The following MICAL3 variants were observed in gnomAD, a reference collection of about 807,000 sequenced individuals.
MICAL3 encodes the protein microtubule associated monooxygenase, calponin and LIM domain containing 3, also known as [F-actin]-monooxygenase MICAL3.
In MICAL3, 62 loss-of-function variants were observed where a neutral mutation model predicts 207.4. The observed-to-expected ratio is 0.30, with a 90% confidence interval of 0.24 to 0.37. The LOEUF is 0.37. Among genes scored for constraint, MICAL3 ranks in the 10% least tolerant of loss-of-function variants. The pLI is 1.00. For missense variants in MICAL3, 2,368 were observed against 2,635.6 expected (o/e 0.90, Z 2.22); for synonymous variants, 1,077 against 1,069.3 (o/e 1.01, Z -0.14).
At chr22:17,922,399 C>T (rs1932821438) in intron 1 of MICAL3, among the ~76,000 whole-genome samples, 1 of 152,148 alleles carries the variant, frequency 6.6e-6, no homozygotes, top group Non-Finnish European at 1.5e-5. Context: ...TTGTTACTAA[C>T]TTGTTGGACA....
rs541315949 is a variant in MICAL3, at chr22:17,807,339, C to T, written c.5650+1505G>A. Among the ~76,000 whole-genome samples the T allele has an allele frequency of 1.1e-4, 16 of 152,324 alleles. No homozygotes were observed. The South Asian group carries it at 3.3e-3, about 32-fold the overall frequency. On this transcript the variant is annotated intron_variant, in intron 29 of 31. Transcript: ENST00000441493. ...CCAAATCAGAGTGCGCAGAGCAGGG[C>T]AGGGGGGCAGGGGCACCGCAGGTTC...
intron 1 of MICAL3, among the ~76,000 whole-genome samples, chr22:17,918,441 C>T (rs915983729): frequency 6.6e-6 from 1 of 152,134 alleles, no homozygotes; most frequent in Non-Finnish European, 1.5e-5. Context: ...AGAAGAGTGA[C>T]AGTTTTCCAC....
rs929937173 is a variant in MICAL3 at position 17,789,752 on chromosome 22, G to A, written c.*980C>T. On this transcript the variant is annotated 3_prime_UTR_variant, in exon 32 of 32. Coordinates refer to ENST00000441493, the MANE Select transcript of MICAL3 (RefSeq NM_015241.3). ...AGATGCCGCTGTGGCTCCCGCACCC[G>A]GGCGCAGGTGATCAGTTCCTCTAGT... 3 of 152,270 alleles carry A rather than the reference G, an allele frequency of 2.0e-5. No individual in the cohort carries two copies. The highest frequency in any genetic ancestry group is 2.9e-5 in the Non-Finnish European group (2 of 68,050). 9.4% of individuals were successfully genotyped at this position (152,270 alleles called of 1,614,324 possible).
rs373482714 is a variant in MICAL3 at position 17,885,908 on chromosome 22, C to T, written c.2211G>A (p.Ala737=). The stretch of plus-strand genomic sequence containing the variant: ...TCCGTATGCCGATGGACTGTGCGGG[C>T]GCATTCTCTTCAAATTTGGCCAGCA... The part of the protein sequence containing the change: ...TQLLAKFEEN[A]PAQSIGIRRQ... Residue 737 remains alanine, a synonymous_variant, in exon 16 of 32, where the codon GCG becomes GCA. Coordinates refer to ENST00000441493, the MANE Select transcript of MICAL3 (RefSeq NM_015241.3). 2.9e-5 allele frequency: 47 copies of T among 1,613,824 alleles called. No homozygotes were observed. The highest frequency in any genetic ancestry group is 2.1e-4 in the African/African-American group (16 of 74,912).
intron 16 of MICAL3, among the ~76,000 whole-genome samples, chr22:17,881,477 G>A (rs537831720): frequency 1.1e-4 from 16 of 152,294 alleles, no homozygotes; most frequent in African/African-American, 3.4e-4. Context: ...CAGGTGGGAC[G>A]TGCACCTTCT....
intron 16 of MICAL3, among the ~76,000 whole-genome samples, chr22:17,879,595 C>A (rs1289574073): frequency 6.6e-6 from 1 of 152,176 alleles, no homozygotes; most frequent in Non-Finnish European, 1.5e-5. Flanking sequence ...TTCTGCACAG[C>A]CATTCCACCC....
intron 1 of MICAL3, among the ~76,000 whole-genome samples, chr22:17,933,405 G>C (rs1933364421): frequency 6.6e-6 from 1 of 152,134 alleles, no homozygotes. Flanking sequence ...CAGAAATAAA[G>C]ATGTTCTTTG....
chr22:17,932,796 A>C (rs1482403552), intron 1 of MICAL3, among the ~76,000 whole-genome samples: 1 of 152,192 alleles, frequency 6.6e-6, no homozygotes, highest in African/African-American at 2.4e-5. Context: ...CAAATGGAAA[A>C]CAAAAAAAAG....
intron 1 of MICAL3, among the ~76,000 whole-genome samples, chr22:17,977,922 T>C (rs1195035006): frequency 1.3e-5 from 2 of 151,984 alleles, no homozygotes; most frequent in African/African-American, 4.8e-5. Flanking sequence ...CTCGGGAGGC[T>C]GAGGCAGGAG....
At chr22:17,899,417 G>GA (rs960019813) in intron 7 of MICAL3, 31 bp downstream of exon 7, 14 of 1,391,330 alleles carry the variant, frequency 1.0e-5, no homozygotes, top group Non-Finnish European at 1.4e-5. Flanking sequence ...ACTTCAATAA[G>GA]AAAGAGTTTT....
In MICAL3 at chr22:17,809,018, G is replaced by T. The variant is rs896454431; in HGVS notation, c.5557-81C>A. 3.4e-5 allele frequency: 42 copies of T among 1,248,838 alleles called. No individual in the cohort carries two copies. In the African/African-American group the frequency reaches 5.8e-4, roughly 17 times the overall value. The allele number at this position is 1,248,838 out of a possible 1,614,324, so 77.4% of individuals were successfully genotyped here. A position where few individuals can be genotyped will look rare whatever the true frequency, so the allele number is the denominator to read the frequency against. On this transcript the variant is annotated intron_variant, in intron 28 of 31. Transcript: ENST00000441493. ...CACACAACTCCACACCCACACGAGG[G>T]GAAACACAGGAGTTGCCGCTCTGGA... is the stretch of plus-strand genomic sequence containing the variant.
At chr22:17,792,779 AC>A (rs906589457) in intron 29 of MICAL3, among the ~76,000 whole-genome samples, 21 of 152,020 alleles carry the variant, frequency 1.4e-4, no homozygotes, top group African/African-American at 4.8e-4. Context: ...AAGGACGGAA[AC>A]CCCCCAGCCT....
Position 17,902,039 on chromosome 22 carries a change from C to A in MICAL3, c.590-60G>T. The stretch of plus-strand genomic sequence containing the variant: ...CCCAGACCACATTCACAGCCAGGAC[C>A]ATCTCTAGATACCCAGTCATGTGAA... On this transcript the variant is annotated intron_variant, in intron 4 of 31. Transcript: ENST00000441493. The surrounding 1 kb of genome is among the most constrained non-coding windows in gnomAD (Gnocchi z 4.5). 8.2e-7 allele frequency: 1 copy of A among 1,226,448 alleles called. No individual in the cohort carries two copies. The allele number at this position is 1,226,448 out of a possible 1,614,324, so 76.0% of individuals were successfully genotyped here.
At chr22:17,878,846 T>C (rs1013720816) in intron 16 of MICAL3, among the ~76,000 whole-genome samples, 1 of 152,152 alleles carries the variant, frequency 6.6e-6, no homozygotes, top group African/African-American at 2.4e-5. Context: ...ATCACCTACC[T>C]TTCTCCCCCT....
chr22:17,884,381 G>T, intron 16 of MICAL3: 1 of 1,565,118 alleles, frequency 6.4e-7, no homozygotes, highest in Non-Finnish European at 8.7e-7. Context: ...GGCCAAGTGT[G>T]GGTGGGGACA....
At chr22:17,792,368 C>T (rs1417055734) in intron 29 of MICAL3, among the ~76,000 whole-genome samples, 1 of 152,198 alleles carries the variant, frequency 6.6e-6, no homozygotes, top group Non-Finnish European at 1.5e-5. Flanking sequence ...CAAGCTGCTC[C>T]TGGGCTTCCT....
chr22:17,836,198 A>G (rs1033061914), intron 20 of MICAL3, among the ~76,000 whole-genome samples: 3 of 152,158 alleles, frequency 2.0e-5, no homozygotes, highest in African/African-American at 4.8e-5. Flanking sequence ...GCTCCACTTC[A>G]CGTGCTCTGC....
intron 19 of MICAL3, chr22:17,862,124 CAA>C: frequency 1.0e-6 from 1 of 985,396 alleles, no homozygotes; most frequent in Non-Finnish European, 1.2e-6. Context: ...GAGTTACACA[CAA>C]GAGAATCAAG....
intron 3 of MICAL3, 142 bp downstream of exon 3, chr22:17,904,490 C>T (rs1198701274): frequency 2.9e-6 from 2 of 696,880 alleles, no homozygotes; most frequent in Non-Finnish European, 2.6e-6. Flanking sequence ...AAGATGAGTG[C>T]ACTTACTATA....
Sources: allele counts gnomAD v4.1 joint callset (sites outside exome capture counted in the v4.1 genomes callset), GRCh38; gene constraint gnomAD v4.1.1; non-coding constraint Gnocchi (gnomAD v3.1); transcripts MANE v1.5; gene names NCBI Gene and HGNC (gene_info 2026-07-23, HGNC 2026-07-21).